The following PPFIA2 variants were observed in gnomAD, a reference collection of about 807,000 sequenced individuals.
The protein encoded by PPFIA2 is PPFI scaffold protein A2, also known as liprin-alpha-2.
PPFIA2 carries 46 observed loss-of-function variants against 175.5 expected under a neutral mutation model. That is an observed-to-expected ratio of 0.26 (90% confidence interval 0.21 to 0.34). The LOEUF (loss-of-function observed/expected upper bound fraction) is 0.34. PPFIA2 is among the 10% of genes least tolerant of loss of function. PPFIA2 has a pLI of 1.00. For missense variants in PPFIA2, 1,179 were observed against 1,506.1 expected (o/e 0.78, Z 3.60); for synonymous variants, 568 against 511.4 (o/e 1.11, Z -1.49).
chr12:81,367,405 T>G (rs979892405), intron 13 of PPFIA2, among the ~76,000 whole-genome samples: 1 of 151,694 alleles, frequency 6.6e-6, no homozygotes, highest in African/African-American at 2.4e-5. Flanking sequence ...AATGAACAAA[T>G]GAAATAAATA....
intron 4 of PPFIA2, among the ~76,000 whole-genome samples, chr12:81,553,608 G>GGCT (rs2068316921): frequency 6.6e-6 from 1 of 152,044 alleles, no homozygotes; most frequent in Non-Finnish European, 1.5e-5. Context: ...GGAACCACAA[G>GGCT]ACTCTGCGGA....
At chr12:81,670,009 T>C (rs1213189137) in intron 4 of PPFIA2, among the ~76,000 whole-genome samples, 1 of 151,964 alleles carries the variant, frequency 6.6e-6, no homozygotes, top group Non-Finnish European at 1.5e-5. Context: ...AAATAAATTG[T>C]GAAGACAAAG....
intron 4 of PPFIA2, among the ~76,000 whole-genome samples, chr12:81,503,749 T>C (rs1319523610): frequency 6.6e-6 from 1 of 152,042 alleles, no homozygotes; most frequent in African/African-American, 2.4e-5. Flanking sequence ...TATTTAAAAA[T>C]TGACCTAAAA....
At chr12:81,668,926 T>C (rs1213913398) in intron 4 of PPFIA2, among the ~76,000 whole-genome samples, 1 of 152,058 alleles carries the variant, frequency 6.6e-6, no homozygotes, top group East Asian at 1.9e-4. Context: ...ATCTGAGACC[T>C]GTTATCATCA....
At chr12:81,353,379 T>C (rs759647549) in intron 16 of PPFIA2, 40 bp from the exon 17 acceptor site, 6 of 1,420,170 alleles carry the variant, frequency 4.2e-6, no homozygotes, top group Non-Finnish European at 6.0e-6. Context: ...TTTATCATAT[T>C]GCTCATTTTC....
chr12:81,538,971 G>A (rs957608050), intron 4 of PPFIA2, among the ~76,000 whole-genome samples: 3 of 151,952 alleles, frequency 2.0e-5, no homozygotes, highest in Non-Finnish European at 4.4e-5. Context: ...GAGGACTATT[G>A]TAATAATCCA....
chr12:81,578,398 A>G (rs1223403067), intron 4 of PPFIA2, among the ~76,000 whole-genome samples: 8 of 151,818 alleles, frequency 5.3e-5, no homozygotes, highest in Admixed American at 5.3e-4. Context: ...AATGATGAAC[A>G]TTAGAATATC....
chr12:81,552,655 A>C (rs2068127036), intron 4 of PPFIA2, among the ~76,000 whole-genome samples: 1 of 151,996 alleles, frequency 6.6e-6, no homozygotes, highest in Non-Finnish European at 1.5e-5. Context: ...TCAAAAATTC[A>C]TGTGTGTAGC....
chr12:81,374,482 G>A (rs1277546415), intron 11 of PPFIA2, among the ~76,000 whole-genome samples, 152 bp downstream of exon 11: 1 of 151,994 alleles, frequency 6.6e-6, no homozygotes, highest in Non-Finnish European at 1.5e-5. Flanking sequence ...AAATATGTAT[G>A]ACAAGAAAAA....
At chr12:81,719,767 A>T (rs925374298) in intron 3 of PPFIA2, among the ~76,000 whole-genome samples, 1 of 151,540 alleles carries the variant, frequency 6.6e-6, no homozygotes, top group Non-Finnish European at 1.5e-5. Flanking sequence ...TAGGTGAAAC[A>T]AATACATTTC....
chr12:81,497,401 G>A (rs977508417), intron 4 of PPFIA2, among the ~76,000 whole-genome samples: 1 of 151,774 alleles, frequency 6.6e-6, no homozygotes, highest in Non-Finnish European at 1.5e-5. Flanking sequence ...TCTTCATTAG[G>A]GCAAAGTTTT....
At chr12:81,436,330 G>T (rs574104011) in intron 7 of PPFIA2, among the ~76,000 whole-genome samples, 650 of 51,428 alleles carry the variant, frequency 0.013, 3 homozygotes, top group Non-Finnish European at 0.02. Context: ...AAAAAAAAAA[G>T]TTAAATCTGA....
chr12:81,743,159 C>T (rs760414062), intron 3 of PPFIA2, among the ~76,000 whole-genome samples: 1 of 152,008 alleles, frequency 6.6e-6, no homozygotes, highest in Non-Finnish European at 1.5e-5. Flanking sequence ...TGGCTCACGC[C>T]TGTAATCCCA....
intron 3 of PPFIA2, among the ~76,000 whole-genome samples, chr12:81,745,621 G>A (rs1407722690): frequency 5.3e-5 from 8 of 152,038 alleles, no homozygotes; most frequent in Admixed American, 2.6e-4. Flanking sequence ...GGGCTTCTGC[G>A]AGTATACTCA....
At chr12:81,606,289 A>G (rs1354094112) in intron 4 of PPFIA2, among the ~76,000 whole-genome samples, 1 of 152,074 alleles carries the variant, frequency 6.6e-6, no homozygotes, top group African/African-American at 2.4e-5. Flanking sequence ...ATATGAGTCC[A>G]TGTAACTTTT....
intron 15 of PPFIA2, among the ~76,000 whole-genome samples, chr12:81,362,024 T>C (rs2030822020): frequency 1.3e-5 from 2 of 150,432 alleles, no homozygotes; most frequent in Non-Finnish European, 3.0e-5. Context: ...TATCTATCTA[T>C]CTATCTATCT....
intron 14 of PPFIA2, among the ~76,000 whole-genome samples, chr12:81,364,661 A>G (rs1326826677): frequency 6.6e-6 from 1 of 151,856 alleles, no homozygotes; most frequent in Non-Finnish European, 1.5e-5. Context: ...TAGATTGTCA[A>G]GTTGAATTGG....
chr12:81,356,258 T>G (rs572901149), intron 16 of PPFIA2, among the ~76,000 whole-genome samples: 17 of 152,312 alleles, frequency 1.1e-4, no homozygotes, highest in African/African-American at 4.1e-4. Context: ...AACTTCACTA[T>G]CTTATATTGG....
intron 4 of PPFIA2, among the ~76,000 whole-genome samples, chr12:81,544,140 A>T (rs2066631583): frequency 6.6e-6 from 1 of 152,196 alleles, no homozygotes; most frequent in African/African-American, 2.4e-5. Context: ...TAAGATGTTA[A>T]TAACAGGGGA....
Sources: allele counts gnomAD v4.1 joint callset (sites outside exome capture counted in the v4.1 genomes callset), GRCh38; gene constraint gnomAD v4.1.1; transcripts MANE v1.5; gene names NCBI Gene and HGNC (gene_info 2026-07-23, HGNC 2026-07-21).